The following SORCS1 variants were observed in gnomAD, a reference collection of about 807,000 sequenced individuals.
The protein encoded by SORCS1 is VPS10 domain-containing receptor SorCS1.
Under a neutral mutation model 146.1 loss-of-function variants are expected in SORCS1, and 60 were observed. The observed-to-expected ratio is 0.41, with a 90% CI of 0.33 to 0.51. SORCS1 has a LOEUF of 0.51. Ranked by LOEUF, SORCS1 falls within the 20% of genes least tolerant of loss-of-function variation. SORCS1 has a pLI of 0.21. For synonymous variants in SORCS1, 637 were observed against 584.0 expected (o/e 1.09, Z -1.31); for missense variants, 1,352 against 1,487.6 (o/e 0.91, Z 1.50).
chr10:106,596,347 A>C (rs1256072545), intron 24 of SORCS1, among the ~76,000 whole-genome samples: 1 of 152,238 alleles, frequency 6.6e-6, no homozygotes, highest in Non-Finnish European at 1.5e-5. Context: ...GAGCACCAGC[A>C]TGGTACTCTG....
chr10:106,574,157 C>T lies in SORCS1; in HGVS notation c.*3263G>A, dbSNP rs529640362. On this transcript the variant is annotated 3_prime_UTR_variant, in exon 26 of 26. Coordinates refer to ENST00000263054, the MANE Select transcript of SORCS1 (RefSeq NM_052918.5). ...AGAACAGCTGCCAAGCACCCCACTG[C>T]TCTCAAAGTTGCTGTTTGGAACTTC... is the stretch of plus-strand genomic sequence containing the variant. 12 of 152,478 alleles carry T rather than the reference C, an allele frequency of 7.9e-5. No homozygotes were observed. In the South Asian group the frequency reaches 2.5e-3, roughly 32 times the overall value. The allele number at this position is 152,478 out of a possible 1,614,324, so 9.4% of individuals were successfully genotyped here.
intron 1 of SORCS1, among the ~76,000 whole-genome samples, chr10:106,988,077 T>A (rs1956566059): frequency 6.6e-6 from 1 of 152,216 alleles, no homozygotes; most frequent in Admixed American, 6.5e-5. Context: ...AATCTGCCAT[T>A]TCTTTCCATG....
chr10:106,733,121 G>GAAA (rs1856724198), intron 5 of SORCS1, among the ~76,000 whole-genome samples: 1 of 126,534 alleles, frequency 7.9e-6, no homozygotes, highest in South Asian at 2.6e-4. Context: ...AAAAAGAAAA[G>GAAA]AAAAGAAAAG....
chr10:106,869,291 A>G (rs1441526045), intron 2 of SORCS1, among the ~76,000 whole-genome samples: 2 of 152,228 alleles, frequency 1.3e-5, no homozygotes, highest in African/African-American at 4.8e-5. Context: ...ATTCTTACTG[A>G]AACATCTCCA....
At chr10:107,001,816 T>G (rs1479765686) in intron 1 of SORCS1, among the ~76,000 whole-genome samples, 4 of 152,230 alleles carry the variant, frequency 2.6e-5, no homozygotes, top group Admixed American at 2.0e-4. Context: ...TAACAGCTAT[T>G]TATTAAGCAT....
intron 12 of SORCS1, 108 bp from the exon 13 acceptor site, chr10:106,677,512 A>C: frequency 1.1e-6 from 1 of 946,220 alleles, no homozygotes. Flanking sequence ...TGATAAAAAT[A>C]GGTTTCCCTA....
chr10:106,605,682 G>A (rs1159309141), intron 23 of SORCS1, among the ~76,000 whole-genome samples: 2 of 152,126 alleles, frequency 1.3e-5, no homozygotes, highest in Non-Finnish European at 2.9e-5. Flanking sequence ...TGGGGAGTGA[G>A]GTTAGATGCA....
chr10:106,884,427 T>A (rs1950920173), intron 2 of SORCS1, among the ~76,000 whole-genome samples: 1 of 152,132 alleles, frequency 6.6e-6, no homozygotes, highest in Non-Finnish European at 1.5e-5. Context: ...AACCTTCACA[T>A]TCTATTTTTT....
At chr10:106,889,888 T>TAAAAAAAAAAAAAAAAA (rs772421907) in intron 2 of SORCS1, among the ~76,000 whole-genome samples, 3 of 71,668 alleles carry the variant, frequency 4.2e-5, no homozygotes, top group African/African-American at 1.0e-4. Context: ...ACGTCTCAAA[T>TAAAAAAAAAAAAAAAAA]AAAAAAAAAA....
chr10:106,795,083 C>A (rs1386562284), intron 3 of SORCS1, among the ~76,000 whole-genome samples: 1 of 152,174 alleles, frequency 6.6e-6, no homozygotes, highest in Non-Finnish European at 1.5e-5. Context: ...GGAGCTAACA[C>A]AATGAATGTA....
intron 4 of SORCS1, among the ~76,000 whole-genome samples, chr10:106,772,994 C>T (rs1229528032): frequency 4.6e-5 from 7 of 151,818 alleles, no homozygotes; most frequent in South Asian, 2.1e-4. Context: ...GTTCAAAAGA[C>T]GGAGAGTATG....
At chr10:106,952,456 C>T (rs1442345334) in intron 2 of SORCS1, among the ~76,000 whole-genome samples, 1 of 151,904 alleles carries the variant, frequency 6.6e-6, no homozygotes, top group Non-Finnish European at 1.5e-5. Flanking sequence ...TCTGTATTAA[C>T]ATACCTATGG....
At chr10:106,646,180 G>A (rs1176690356) in intron 18 of SORCS1, among the ~76,000 whole-genome samples, 3 of 151,908 alleles carry the variant, frequency 2.0e-5, no homozygotes, top group East Asian at 3.9e-4. Context: ...CAGGAGAATC[G>A]CTTAAACCTG....
rs376459881 is a variant in SORCS1, at chr10:106,693,055, T to A, written c.1414-4717A>T. Among the ~76,000 whole-genome samples the A allele has an allele frequency of 9.8e-5, 15 of 152,332 alleles. No individual in the cohort carries two copies. In the South Asian group the frequency reaches 2.3e-3, roughly 23 times the overall value. On this transcript the variant is annotated intron_variant, in intron 9 of 25. Coordinates refer to ENST00000263054, the MANE Select transcript of SORCS1 (RefSeq NM_052918.5). ...ATTACCTTCAGGCTATGTGATAAGG[T>A]ATATATGAAACATAAATTAACCCTG...
intron 3 of SORCS1, among the ~76,000 whole-genome samples, chr10:106,802,065 T>C (rs559626041): frequency 1.6e-3 from 242 of 152,334 alleles, no homozygotes; most frequent in Middle Eastern, 3.4e-3. Context: ...GGGATATACA[T>C]GTCTAAGCCA....
chr10:106,914,409 T>G (rs1564805088), intron 2 of SORCS1, among the ~76,000 whole-genome samples: 1 of 152,140 alleles, frequency 6.6e-6, no homozygotes, highest in Non-Finnish European at 1.5e-5. Context: ...CAAAACACTG[T>G]CTCTTTTAAC....
At chr10:106,598,365 G>A (rs371547400) in intron 23 of SORCS1, among the ~76,000 whole-genome samples, 17 of 151,660 alleles carry the variant, frequency 1.1e-4, no homozygotes, top group African/African-American at 3.9e-4. Flanking sequence ...GGGTTCAAGC[G>A]ATTCTCCTGC....
chr10:107,156,124 T>C (rs1388925601), intron 1 of SORCS1, among the ~76,000 whole-genome samples: 3 of 152,122 alleles, frequency 2.0e-5, no homozygotes, highest in Non-Finnish European at 4.4e-5. Flanking sequence ...CCCCAAGATA[T>C]GTCATTCATA....
chr10:107,051,464 T>C (rs1023438512), intron 1 of SORCS1, among the ~76,000 whole-genome samples: 3 of 152,158 alleles, frequency 2.0e-5, no homozygotes, highest in African/African-American at 7.2e-5. Flanking sequence ...GTTCTTAACA[T>C]GTTTCTAGTT....
Sources: allele counts gnomAD v4.1 joint callset (sites outside exome capture counted in the v4.1 genomes callset), GRCh38; gene constraint gnomAD v4.1.1; transcripts MANE v1.5; gene names NCBI Gene and HGNC (gene_info 2026-07-23, HGNC 2026-07-21).